VNN1: variants seen among roughly 807,000 people sequenced by gnomAD.
VNN1 encodes the protein vanin 1, also known as pantetheinase.
VNN1 carries 29 observed loss-of-function variants against 41.9 expected under a neutral mutation model. The ratio of observed to expected loss-of-function variants is 0.69; its 90% CI spans 0.52 to 0.94. The LOEUF is 0.94. Ranked by LOEUF, VNN1 falls within the 40% of genes least tolerant of loss-of-function variation. The pLI, the probability that VNN1 is intolerant of heterozygous loss-of-function variation, is 0.00. For missense variants in VNN1, 637 were observed against 621.1 expected (o/e 1.03, Z -0.27); for synonymous variants, 233 against 224.4 (o/e 1.04, Z -0.34).
At chr6:132,700,289 A>G (rs1448308926) in intron 2 of VNN1, among the ~76,000 whole-genome samples, 1 of 145,120 alleles carries the variant, frequency 6.9e-6, no homozygotes, top group Non-Finnish European at 1.5e-5. Context: ...TATGATATAT[A>G]CTTGTCATCT....
chr6:132,686,635 A>C (rs1308443106), intron 5 of VNN1, among the ~76,000 whole-genome samples: 2 of 152,226 alleles, frequency 1.3e-5, no homozygotes, highest in African/African-American at 4.8e-5. Flanking sequence ...CAGCTAGATC[A>C]TTCTATCATG....
At chr6:132,711,552 T>G (rs769576264) in intron 2 of VNN1, among the ~76,000 whole-genome samples, 157 bp downstream of exon 2, 1 of 152,222 alleles carries the variant, frequency 6.6e-6, no homozygotes, top group Non-Finnish European at 1.5e-5. Context: ...ATAATTCATA[T>G]TTGCTCTCCC....
At position 132,713,852 on chromosome 6, in the gene VNN1, C is replaced by T; in HGVS notation, c.184G>A (p.Gly62Arg). The T allele has an allele frequency of 6.2e-7, 1 of 1,613,220 alleles. No homozygotes were observed. The highest frequency in any genetic ancestry group is 1.7e-5 in the Admixed American group (1 of 60,022). The change falls in exon 1 of 7, where the codon GGA becomes AGA. Residue 62 changes from glycine to arginine, a missense_variant. Transcript: ENST00000367928. Reference sequence around the variant, plus strand: ...TGATCTGCTGCTGATGTGATCGCTCCTTCCAAAATGTCCAGATTCCGATTC... The same window carrying T: ...TGATCTGCTGCTGATGTGATCGCTCTTTCCAAAATGTCCAGATTCCGATTC... ...LMNRNLDILE[G>R]AITSAADQGA...
intron 2 of VNN1, among the ~76,000 whole-genome samples, chr6:132,709,723 A>T (rs1464486536): frequency 6.6e-6 from 1 of 151,962 alleles, no homozygotes; most frequent in South Asian, 2.1e-4. Context: ...AGACATCATT[A>T]GTTGATGGAA....
chr6:132,692,874 G>A, intron 4 of VNN1, 150 bp downstream of exon 4: 1 of 1,015,010 alleles, frequency 9.9e-7, no homozygotes, highest in South Asian at 2.2e-5. Context: ...GACTGAGATT[G>A]ATTCTATAGC....
At chr6:132,708,000 T>C (rs1778544153) in intron 2 of VNN1, among the ~76,000 whole-genome samples, 1 of 152,230 alleles carries the variant, frequency 6.6e-6, no homozygotes, top group Non-Finnish European at 1.5e-5. Flanking sequence ...CATGATGTGA[T>C]TGTTACCATT....
chr6:132,684,610 A>T, intron 5 of VNN1, 105 bp from the exon 6 acceptor site: 1 of 1,012,204 alleles, frequency 9.9e-7, no homozygotes, highest in South Asian at 1.8e-5. Flanking sequence ...AAAACGTCAC[A>T]TCATACACTG....
chr6:132,713,771 G>A, intron 1 of VNN1, 55 bp downstream of exon 1: 1 of 1,585,160 alleles, frequency 6.3e-7, no homozygotes, highest in South Asian at 1.1e-5. Flanking sequence ...TGTCTCCTAG[G>A]ACCCCCTCCT....
Position 132,684,150 on chromosome 6 carries a change from A to G in VNN1, c.1359+185T>C, listed in dbSNP as rs147487421. Among the ~76,000 whole-genome samples, 16 of 152,282 alleles carry G rather than the reference A, an allele frequency of 1.1e-4. No homozygotes were observed. In the East Asian group the frequency reaches 2.1e-3, roughly 20 times the overall value. Reference sequence around the variant, plus strand: ...TTTTTTTATTCTGAAGGACACAGTAATTATTATGTTAAGAATTTCCAGACA... The same window carrying G: ...TTTTTTTATTCTGAAGGACACAGTAGTTATTATGTTAAGAATTTCCAGACA... On this transcript the variant is annotated intron_variant, in intron 6 of 6. Coordinates refer to ENST00000367928, the MANE Select transcript of VNN1 (RefSeq NM_004666.3).
intron 2 of VNN1, among the ~76,000 whole-genome samples, chr6:132,710,281 C>T (rs1778580438): frequency 6.6e-6 from 1 of 152,134 alleles, no homozygotes; most frequent in South Asian, 2.1e-4. Context: ...AACTCCTGAC[C>T]TCAGGTGATC....
At chr6:132,688,917 CT>C (rs1331303098) in intron 5 of VNN1, among the ~76,000 whole-genome samples, 1 of 152,148 alleles carries the variant, frequency 6.6e-6, no homozygotes, top group Non-Finnish European at 1.5e-5. Flanking sequence ...GAGACAGAGT[CT>C]CACTCTGTTG....
intron 1 of VNN1, 65 bp downstream of exon 1, chr6:132,713,761 T>A: frequency 6.4e-7 from 1 of 1,554,268 alleles, no homozygotes; most frequent in South Asian, 1.2e-5. Context: ...ACAGTGGCCC[T>A]GTCTCCTAGG....
intron 5 of VNN1, among the ~76,000 whole-genome samples, chr6:132,691,977 T>G (rs1562215346): frequency 6.6e-6 from 1 of 151,440 alleles, no homozygotes; most frequent in Non-Finnish European, 1.5e-5. Context: ...GCACTCCAGC[T>G]TGGGCTACAG....
At chr6:132,699,027 T>C in intron 2 of VNN1, 1 of 215,366 alleles carries the variant, frequency 4.6e-6, no homozygotes. Flanking sequence ...GACAGATTCC[T>C]GTGTTAAATG....
At chr6:132,709,260 CT>C (rs35564770) in intron 2 of VNN1, among the ~76,000 whole-genome samples, 18,393 of 151,884 alleles carry the variant, frequency 0.12, 1,587 homozygotes, top group South Asian at 0.24. Context: ...CATTTATTAC[CT>C]CCCCACACTA....
intron 5 of VNN1, among the ~76,000 whole-genome samples, chr6:132,687,208 C>T (rs557564281): frequency 1.3e-5 from 2 of 152,220 alleles, no homozygotes; most frequent in South Asian, 2.1e-4. Flanking sequence ...TCAATAGCAA[C>T]GTAAGATGGG....
intron 2 of VNN1, among the ~76,000 whole-genome samples, chr6:132,703,348 G>T (rs969853559): frequency 6.8e-6 from 1 of 147,954 alleles, no homozygotes; most frequent in Non-Finnish European, 1.5e-5. Context: ...AATTATAAAA[G>T]CTTTTTAAGA....
At position 132,712,153 on chromosome 6, in the gene VNN1, C is replaced by CT. The variant is rs569395584; in HGVS notation, c.211-315dup. On this transcript the variant is annotated intron_variant, in intron 1 of 6. Transcript: ENST00000367928. ...TCTAGTCAAGCATTTTTTTTTCTCT[C>CT]TTTTTTTTTTTTTTCAGATGGAGTT... Among the ~76,000 whole-genome samples, 304 of 132,648 alleles carry CT rather than the reference C, an allele frequency of 2.3e-3. 1 individual carries two copies. The highest frequency in any genetic ancestry group is 6.1e-3 in the East Asian group (28 of 4,604). 87.0% of individuals were successfully genotyped at this position (132,648 alleles called of 152,430 possible). A position where few individuals can be genotyped will look rare whatever the true frequency, so the allele number is the denominator to read the frequency against.
chr6:132,693,128 A>T lies in VNN1; in HGVS notation c.722T>A (p.Val241Asp). The T allele has an allele frequency of 1.2e-6, 2 of 1,614,176 alleles. No individual in the cohort carries two copies. The highest frequency in any genetic ancestry group is 8.5e-7 in the Non-Finnish European group (1 of 1,180,008). ...TIVFPTAWMN[V>D]LPHLSAVEFH... ...TTCAACAGCTGACAAATGTGGCAAA[A>T]CATTCATCCAAGCTGTTGGGAATAC... The change falls in exon 4 of 7, where the codon GTT becomes GAT. Residue 241 changes from valine (V) to aspartate (D), a missense_variant. By Grantham distance (152) the Val-to-Asp change is radical (BLOSUM62 -3). Coordinates refer to ENST00000367928, the MANE Select transcript of VNN1 (RefSeq NM_004666.3).
Sources: allele counts gnomAD v4.1 joint callset (sites outside exome capture counted in the v4.1 genomes callset), GRCh38; gene constraint gnomAD v4.1.1; transcripts MANE v1.5; gene names NCBI Gene and HGNC (gene_info 2026-07-23, HGNC 2026-07-21).